The following PIBF1 variants were observed in gnomAD, a reference collection of about 807,000 sequenced individuals.
PIBF1 encodes the protein progesterone immunomodulatory binding factor 1.
In PIBF1, 90 loss-of-function variants were observed where a neutral mutation model predicts 112.5. The ratio of observed to expected loss-of-function variants is 0.80; its 90% CI spans 0.67 to 0.95. The LOEUF is 0.95. Ranked by LOEUF, PIBF1 falls within the 40% of genes least tolerant of loss-of-function variation. The probability of loss-of-function intolerance (pLI) is 0.00; values close to 1 mark genes in which losing one functional copy is unlikely to be tolerated. For synonymous variants in PIBF1, 301 were observed against 288.6 expected, an observed-to-expected ratio of 1.04 and a Z score of -0.44; for missense variants, 915 against 852.3, an observed-to-expected ratio of 1.07 and a Z score of -0.92.
intron 14 of PIBF1, among the ~76,000 whole-genome samples, chr13:72,935,553 A>G (rs2041844222): frequency 1.3e-5 from 2 of 152,132 alleles, no homozygotes; most frequent in South Asian, 4.1e-4. Flanking sequence ...CTCTTGGGTA[A>G]ATATCTAGGA....
chr13:73,011,102 C>T (rs2044190637), intron 17 of PIBF1, among the ~76,000 whole-genome samples: 1 of 152,116 alleles, frequency 6.6e-6, no homozygotes, highest in Non-Finnish European at 1.5e-5. Flanking sequence ...GCTGGGATTA[C>T]AGGCGTGAGC....
chr13:72,816,238 A>T (rs1032975612), intron 5 of PIBF1, among the ~76,000 whole-genome samples: 2 of 152,246 alleles, frequency 1.3e-5, no homozygotes, highest in Non-Finnish European at 2.9e-5. Context: ...GCATCAGGTA[A>T]GTCCAGAAAA....
chr13:72,924,865 C>T (rs1055156294), intron 13 of PIBF1, among the ~76,000 whole-genome samples: 1 of 152,080 alleles, frequency 6.6e-6, no homozygotes, highest in African/African-American at 2.4e-5. Context: ...AACTTTAGTA[C>T]TATATCATAT....
intron 10 of PIBF1, among the ~76,000 whole-genome samples, chr13:72,859,634 T>C (rs2038603405): frequency 2.0e-5 from 3 of 152,174 alleles, no homozygotes; most frequent in African/African-American, 7.2e-5. Flanking sequence ...GAATGAATTT[T>C]AATAGGAATA....
At chr13:72,950,635 A>G (rs1566482730) in intron 14 of PIBF1, among the ~76,000 whole-genome samples, 1 of 152,206 alleles carries the variant, frequency 6.6e-6, no homozygotes. Context: ...TATGTTTAGT[A>G]ATAATGTTTG....
intron 9 of PIBF1, among the ~76,000 whole-genome samples, chr13:72,847,103 T>C (rs1173874513): frequency 6.6e-6 from 1 of 152,244 alleles, no homozygotes; most frequent in Non-Finnish European, 1.5e-5. Context: ...TGTTACCTTT[T>C]ATCCTGTCAG....
intron 9 of PIBF1, among the ~76,000 whole-genome samples, chr13:72,846,511 C>T (rs1233735131): frequency 1.3e-5 from 2 of 152,190 alleles, no homozygotes; most frequent in South Asian, 4.1e-4. Context: ...GGCTCCCCAT[C>T]ATTAAACTTA....
chr13:72,944,488 A>C (rs1484908459), intron 14 of PIBF1, among the ~76,000 whole-genome samples: 1 of 152,116 alleles, frequency 6.6e-6, no homozygotes, highest in Admixed American at 6.6e-5. Context: ...AGAATAAACA[A>C]TAAAATCAAT....
At chr13:72,877,502 A>C (rs924953801) in intron 10 of PIBF1, among the ~76,000 whole-genome samples, 1 of 152,192 alleles carries the variant, frequency 6.6e-6, no homozygotes, top group African/African-American at 2.4e-5. Flanking sequence ...CAGTGAACCC[A>C]TCTGGGCCTG....
At chr13:72,822,546 T>C (rs1300786924) in intron 6 of PIBF1, among the ~76,000 whole-genome samples, 2 of 152,208 alleles carry the variant, frequency 1.3e-5, no homozygotes, top group Admixed American at 6.5e-5. Flanking sequence ...ATGTTGCTAA[T>C]ACGGATAACT....
chr13:72,858,854 C>T (rs955137614), intron 10 of PIBF1, among the ~76,000 whole-genome samples: 1 of 152,120 alleles, frequency 6.6e-6, no homozygotes, highest in African/African-American at 2.4e-5. Flanking sequence ...AGGGAGTCAA[C>T]AAATACCATC....
At chr13:72,836,014 GC>G (rs2037343647) in intron 9 of PIBF1, 1 of 383,600 alleles carries the variant, frequency 2.6e-6, no homozygotes, top group Non-Finnish European at 5.1e-6. Context: ...CAGGAGAATG[GC>G]ATGAACCGGG....
chr13:72,989,216 A>C (rs1594325509), intron 16 of PIBF1, among the ~76,000 whole-genome samples: 1 of 152,218 alleles, frequency 6.6e-6, no homozygotes, highest in Non-Finnish European at 1.5e-5. Flanking sequence ...TATAAACAAA[A>C]GAAATTGAAA....
rs2039657786 is a variant in PIBF1, at chr13:72,881,969, C to G, written c.1323-11815C>G. ...AAATGTATATGGAACCACAATAGACCCAGAATAGCCAAAGCTATCCTACGC... is the reference window on the plus strand; with the variant it reads ...AAATGTATATGGAACCACAATAGACGCAGAATAGCCAAAGCTATCCTACGC... On this transcript the variant is annotated intron_variant, in intron 10 of 17. Transcript: ENST00000326291. Among the ~76,000 whole-genome samples, 3 of 151,870 alleles carry G rather than the reference C, an allele frequency of 2.0e-5. No homozygotes were observed. The South Asian group carries it at 6.3e-4, about 32-fold the overall frequency.
At chr13:72,994,124 A>G (rs9543192) in intron 16 of PIBF1, among the ~76,000 whole-genome samples, 25 of 8,314 alleles carry the variant, frequency 3.0e-3, no homozygotes, top group African/African-American at 0.013. Flanking sequence ...AAAAAAAAAG[A>G]AAAAAAAAGG....
intron 10 of PIBF1, among the ~76,000 whole-genome samples, chr13:72,888,119 G>T (rs2039926881): frequency 6.6e-6 from 1 of 152,152 alleles, no homozygotes; most frequent in African/African-American, 2.4e-5. Flanking sequence ...TTTGGTGGGT[G>T]AATAAACTAG....
intron 16 of PIBF1, among the ~76,000 whole-genome samples, chr13:72,990,463 G>A (rs957037275): frequency 2.0e-5 from 3 of 150,092 alleles, no homozygotes; most frequent in African/African-American, 4.9e-5. Flanking sequence ...AGAGGTTGCA[G>A]TGAGCCAAGA....
In PIBF1 at chr13:72,953,954, C is replaced by A. The variant is rs552079643; in HGVS notation, c.1834-11320C>A. 2.0e-5 allele frequency among the ~76,000 whole-genome samples: 3 copies of A among 152,234 alleles called. No individual in the cohort carries two copies. The East Asian group carries it at 5.8e-4, about 29-fold the overall frequency. ...TATGCTACCAGGGCTCATAAAGTGGCAAAGCCTGGTGAGGACTGGACCAGG... is the reference window on the plus strand; with the variant it reads ...TATGCTACCAGGGCTCATAAAGTGGAAAAGCCTGGTGAGGACTGGACCAGG... On this transcript the variant is annotated intron_variant, in intron 14 of 17. Coordinates refer to ENST00000326291, the MANE Select transcript of PIBF1 (RefSeq NM_006346.4).
At chr13:72,868,325 AAAG>A (rs2039010984) in intron 10 of PIBF1, among the ~76,000 whole-genome samples, 1 of 151,822 alleles carries the variant, frequency 6.6e-6, no homozygotes, top group Non-Finnish European at 1.5e-5. Context: ...AAAAAAAAAA[AAAG>A]ACTATTTCTC....
Sources: allele counts gnomAD v4.1 joint callset (sites outside exome capture counted in the v4.1 genomes callset), GRCh38; gene constraint gnomAD v4.1.1; transcripts MANE v1.5; gene names NCBI Gene and HGNC (gene_info 2026-07-23, HGNC 2026-07-21).